The following COG5 variants were observed in gnomAD, a reference collection of about 807,000 sequenced individuals.
COG5 encodes the protein conserved oligomeric Golgi complex subunit 5.
In COG5, 86 loss-of-function variants were observed where a neutral mutation model predicts 110.4. The observed-to-expected ratio is 0.78, with a 90% confidence interval of 0.65 to 0.93. The LOEUF is 0.93. COG5 is among the 40% of genes least tolerant of loss of function. The pLI is 0.00. For synonymous variants in COG5, 360 were observed against 334.6 expected (o/e 1.08, Z -0.83); for missense variants, 1,077 against 987.0 (o/e 1.09, Z -1.22).
chr7:107,299,265 T>C (rs1047921475), intron 11 of COG5, among the ~76,000 whole-genome samples: 1 of 152,000 alleles, frequency 6.6e-6, no homozygotes, highest in Non-Finnish European at 1.5e-5. Flanking sequence ...TAAGTAAAAT[T>C]GCCAAACTTC....
intron 21 of COG5, chr7:107,209,753 C>A: frequency 5.4e-6 from 5 of 925,258 alleles, no homozygotes; most frequent in Non-Finnish European, 6.4e-6. Context: ...TGGCCCAGGG[C>A]CTACCATGCT....
intron 17 of COG5, among the ~76,000 whole-genome samples, chr7:107,241,135 G>A (rs571772513): frequency 1.3e-5 from 2 of 152,274 alleles, no homozygotes; most frequent in East Asian, 3.9e-4. Flanking sequence ...GTTATCTACA[G>A]GCACTAGTTG....
At chr7:107,408,367 G>C (rs1792019337) in intron 7 of COG5, among the ~76,000 whole-genome samples, 1 of 152,170 alleles carries the variant, frequency 6.6e-6, no homozygotes, top group Non-Finnish European at 1.5e-5. Flanking sequence ...GAATAGTGGT[G>C]CTCCACAGCA....
chr7:107,473,958 T>TTTTTTTC, intron 6 of COG5: 1 of 561,750 alleles, frequency 1.8e-6, no homozygotes, highest in Non-Finnish European at 3.1e-6. Context: ...TTGAAAGATT[T>TTTTTTTC]TTTTTCTTAC....
At chr7:107,547,002 T>C (rs2129172309) in intron 5 of COG5, among the ~76,000 whole-genome samples, 1 of 152,300 alleles carries the variant, frequency 6.6e-6, no homozygotes, top group South Asian at 2.1e-4. Flanking sequence ...AAATCAAAGA[T>C]GGAAAAGTAT....
chr7:107,394,909 T>G (rs1790878922), intron 7 of COG5, among the ~76,000 whole-genome samples: 1 of 152,212 alleles, frequency 6.6e-6, no homozygotes, highest in African/African-American at 2.4e-5. Flanking sequence ...TTAAATTCTT[T>G]TTTAAGTGTT....
At chr7:107,533,578 C>T (rs1801365821) in intron 5 of COG5, among the ~76,000 whole-genome samples, 1 of 151,318 alleles carries the variant, frequency 6.6e-6, no homozygotes. Flanking sequence ...GACTGACGAT[C>T]AACTTAATGA....
intron 6 of COG5, among the ~76,000 whole-genome samples, chr7:107,507,894 T>C (rs1426404598): frequency 1.3e-5 from 2 of 152,188 alleles, no homozygotes; most frequent in African/African-American, 2.4e-5. Flanking sequence ...TTTAAGAATA[T>C]TCTCTCATGG....
At chr7:107,457,868 C>T (rs1795762418) in intron 6 of COG5, among the ~76,000 whole-genome samples, 1 of 152,022 alleles carries the variant, frequency 6.6e-6, no homozygotes, top group South Asian at 2.1e-4. Context: ...ACAACCACAA[C>T]AAAAACACTG....
intron 6 of COG5, among the ~76,000 whole-genome samples, chr7:107,480,485 A>G (rs1797275077): frequency 6.6e-6 from 1 of 152,136 alleles, no homozygotes; most frequent in South Asian, 2.1e-4. Context: ...AAAAGTTCAG[A>G]TCATATCGTA....
At chr7:107,349,944 C>A (rs1381737715) in intron 10 of COG5, among the ~76,000 whole-genome samples, 2 of 152,108 alleles carry the variant, frequency 1.3e-5, no homozygotes, top group Non-Finnish European at 2.9e-5. Flanking sequence ...CAACCCGCCT[C>A]GGACTCACAA....
At chr7:107,494,184 A>G (rs1444098492) in intron 6 of COG5, among the ~76,000 whole-genome samples, 1 of 152,188 alleles carries the variant, frequency 6.6e-6, no homozygotes, top group Non-Finnish European at 1.5e-5. Context: ...GATTGTTATC[A>G]AAGTGATTTA....
intron 6 of COG5, among the ~76,000 whole-genome samples, chr7:107,417,001 A>C (rs1327097028): frequency 6.6e-6 from 1 of 152,224 alleles, no homozygotes; most frequent in Admixed American, 6.5e-5. Flanking sequence ...GTACAGCAAT[A>C]TCTCAGAAAT....
rs185768753 is a variant in COG5 at position 107,203,165 on chromosome 7, A to G, written c.*351T>C. On this transcript the variant is annotated 3_prime_UTR_variant, in exon 22 of 22. Transcript: ENST00000297135. ...GGCAGGGTTGGGGGAAGCAGGGTAC[A>G]TGTTATAACTTGATCATATCCCTTT... 106 of 300,026 alleles carry G rather than the reference A, an allele frequency of 3.5e-4. No individual in the cohort carries two copies. The highest frequency in any genetic ancestry group is 2.2e-3 in the African/African-American group (103 of 46,202). The allele number at this position is 300,026 out of a possible 1,614,324, so 18.6% of individuals were successfully genotyped here. A position where few individuals can be genotyped will look rare whatever the true frequency, so the allele number is the denominator to read the frequency against.
Position 107,362,351 on chromosome 7 carries a change from T to C in COG5, c.905A>G (p.Asn302Ser), listed in dbSNP as rs754088185. 3.1e-6 allele frequency: 5 copies of C among 1,613,608 alleles called. No individual in the cohort carries two copies. In the African/African-American group the frequency reaches 4.0e-5, roughly 13 times the overall value. Reference protein sequence around the residue: ...TAALRASFWTNMEKLMDHIYA... With the variant: ...TAALRASFWTSMEKLMDHIYA... Reference sequence around the variant, plus strand: ...AATATGATCCATAAGTTTCTCCATATTGGTCCAGAATGAGGCACGCAAAGC... The same window carrying C: ...AATATGATCCATAAGTTTCTCCATACTGGTCCAGAATGAGGCACGCAAAGC... Residue 302 changes from asparagine to serine, a missense_variant, in exon 9 of 22, where the codon AAT becomes AGT. Coordinates refer to ENST00000297135, the MANE Select transcript of COG5 (RefSeq NM_006348.5).
chr7:107,328,325 G>A (rs771534131), intron 10 of COG5, among the ~76,000 whole-genome samples: 15 of 152,146 alleles, frequency 9.9e-5, no homozygotes, highest in East Asian at 1.9e-4. Flanking sequence ...AAAAGACACA[G>A]CAAATATACA....
intron 5 of COG5, among the ~76,000 whole-genome samples, chr7:107,539,129 T>A (rs542889461): frequency 5.9e-5 from 9 of 151,434 alleles, no homozygotes; most frequent in African/African-American, 1.7e-4. Flanking sequence ...AATTAAAATT[T>A]AAAAAAAAAT....
chr7:107,493,151 T>C (rs992830497), intron 6 of COG5, among the ~76,000 whole-genome samples: 2 of 151,998 alleles, frequency 1.3e-5, no homozygotes, highest in Non-Finnish European at 2.9e-5. Flanking sequence ...GAACACAGAG[T>C]TCATCTCTCT....
chr7:107,346,380 C>T (rs1177679600), intron 10 of COG5, among the ~76,000 whole-genome samples: 12 of 151,242 alleles, frequency 7.9e-5, no homozygotes. Flanking sequence ...GGAAAGGAAA[C>T]AAGGGGGGAA....
Sources: gnomAD v4.1 joint callset for allele counts (sites outside exome capture counted in the v4.1 genomes callset) on GRCh38, gnomAD v4.1.1 for gene constraint, MANE v1.5 for transcripts, NCBI Gene and HGNC (gene_info 2026-07-23, HGNC 2026-07-21) for gene names.